The following MSRB2 variants were observed in gnomAD, a reference collection of about 807,000 sequenced individuals.
MSRB2 encodes methionine sulfoxide reductase B2, also known as methionine-R-sulfoxide reductase B2, mitochondrial.
In MSRB2, 17 loss-of-function variants were observed where a neutral mutation model predicts 19.0. The observed-to-expected ratio is 0.89, with a 90% CI of 0.61 to 1.34. MSRB2 has a LOEUF of 1.34. MSRB2 is among the 40% of genes most tolerant of loss of function. MSRB2 has a pLI of 0.00. For synonymous variants in MSRB2, 107 were observed against 99.7 expected, an observed-to-expected ratio of 1.07 and a Z score of -0.44; for missense variants, 208 against 237.6, an observed-to-expected ratio of 0.88 and a Z score of 0.82.
At chr10:23,110,624 G>GTT (rs11292798) in intron 3 of MSRB2, among the ~76,000 whole-genome samples, 2 of 147,896 alleles carry the variant, frequency 1.4e-5, no homozygotes, top group African/African-American at 2.5e-5. Context: ...AGCTATTAGA[G>GTT]TTTTTTTTTT....
At chr10:23,100,022 C>A (rs1839910637) in intron 1 of MSRB2, among the ~76,000 whole-genome samples, 1 of 152,076 alleles carries the variant, frequency 6.6e-6, no homozygotes, top group Non-Finnish European at 1.5e-5. Context: ...TTTTCTAAGC[C>A]CATTCCACTT....
chr10:23,099,121 T>A (rs938662921), intron 1 of MSRB2, among the ~76,000 whole-genome samples: 4 of 152,224 alleles, frequency 2.6e-5, no homozygotes, highest in African/African-American at 7.2e-5. Flanking sequence ...TGCAGTCACA[T>A]TTTAAAGTAC....
At chr10:23,110,378 G>C in intron 3 of MSRB2, 60 bp downstream of exon 3, 1 of 1,346,004 alleles carries the variant, frequency 7.4e-7, no homozygotes, top group Non-Finnish European at 1.1e-6. Flanking sequence ...TTACTGCTTT[G>C]TTTCATTTGA....
rs569789833 is a variant in MSRB2 at position 23,099,481 on chromosome 10, T to C, written c.118+3755T>C. On this transcript the variant is annotated intron_variant, in intron 1 of 4. Coordinates refer to ENST00000376510, the MANE Select transcript of MSRB2 (RefSeq NM_012228.4). ...ATTAAAAGAACCATTAAAAATGTCC[T>C]TTCCATATTGTACTTAGATGAAGGC... 2.6e-5 allele frequency among the ~76,000 whole-genome samples: 4 copies of C among 152,386 alleles called. No homozygotes were observed. In the South Asian group the frequency reaches 8.3e-4, roughly 32 times the overall value.
chr10:23,109,378 C>T lies in MSRB2; in HGVS notation c.220-864C>T, dbSNP rs371795201. ...CAGCCTGGCTAACACGGTGAAACCC[C>T]GTAAAAGTACAAAAATTAGCCAGGC... On this transcript the variant is annotated intron_variant, in intron 2 of 4. Transcript: ENST00000376510. Among the ~76,000 whole-genome samples, 65 of 151,982 alleles carry T rather than the reference C, an allele frequency of 4.3e-4. 1 individual carries two copies. The South Asian group carries it at 0.013, about 30-fold the overall frequency.
At chr10:23,104,041 A>C in intron 1 of MSRB2, 103 bp from the exon 2 acceptor site, 1 of 850,302 alleles carries the variant, frequency 1.2e-6, no homozygotes, top group Non-Finnish European at 1.8e-6. Context: ...AAGGGACTGG[A>C]TTATTCTGCT....
At chr10:23,097,402 A>T (rs1288060952) in intron 1 of MSRB2, among the ~76,000 whole-genome samples, 3 of 152,202 alleles carry the variant, frequency 2.0e-5, no homozygotes, top group African/African-American at 2.4e-5. Flanking sequence ...CAAGGTGGGA[A>T]CAGATTTGGT....
chr10:23,117,466 T>C (rs898569566), intron 3 of MSRB2, among the ~76,000 whole-genome samples: 1 of 152,230 alleles, frequency 6.6e-6, no homozygotes, highest in Non-Finnish European at 1.5e-5. Context: ...TGTAAAACAG[T>C]GCAACTCTTC....
At chr10:23,115,628 T>A (rs1204062865) in intron 3 of MSRB2, among the ~76,000 whole-genome samples, 1 of 152,208 alleles carries the variant, frequency 6.6e-6, no homozygotes, top group East Asian at 1.9e-4. Flanking sequence ...TGATTCAGAA[T>A]GGTTTTAGTT....
intron 2 of MSRB2, 79 bp downstream of exon 2, chr10:23,104,323 A>C: frequency 1.7e-6 from 2 of 1,161,870 alleles, no homozygotes; most frequent in South Asian, 1.5e-5. Flanking sequence ...CAGCTATGAA[A>C]CCCAGCTGCC....
intron 1 of MSRB2, among the ~76,000 whole-genome samples, chr10:23,100,543 G>A (rs575203175): frequency 3.2e-4 from 49 of 152,212 alleles, no homozygotes; most frequent in African/African-American, 1.2e-3. Context: ...GGGAGGCCTC[G>A]GGAAACTTAC....
rs185006403 is a variant in MSRB2 at position 23,100,634 on chromosome 10, G to A, written c.119-3510G>A. ...GTCAGAGCAGGAGGAAGAGAGAGAGGGGGAGGTGAACTTTTAAACAACCAG... is the reference window on the plus strand; with the variant it reads ...GTCAGAGCAGGAGGAAGAGAGAGAGAGGGAGGTGAACTTTTAAACAACCAG... On this transcript the variant is annotated intron_variant, in intron 1 of 4. Coordinates refer to ENST00000376510, the MANE Select transcript of MSRB2 (RefSeq NM_012228.4). Among the ~76,000 whole-genome samples the A allele has an allele frequency of 8.1e-4, 124 of 152,164 alleles. 1 individual carries two copies. The highest frequency in any genetic ancestry group is 1.5e-3 in the Non-Finnish European group (104 of 67,982).
intron 3 of MSRB2, among the ~76,000 whole-genome samples, chr10:23,112,047 G>A (rs1840063317): frequency 6.6e-6 from 1 of 152,180 alleles, no homozygotes; most frequent in Non-Finnish European, 1.5e-5. Context: ...ACCAACTCCA[G>A]GTCCTGGAGG....
rs1389056085 is a variant in MSRB2, at chr10:23,118,333, TTTTG to T, written c.297-967_297-964del. ...GCTACTTTTTCTTCTTAGATTAGTT[TTTTG>T]TTTTTTTTTTTTTTTTTTTGGCTGG... On this transcript the variant is annotated intron_variant, in intron 3 of 4. Transcript: ENST00000376510. 3.5e-3 allele frequency among the ~76,000 whole-genome samples: 462 copies of T among 130,166 alleles called. 6 individuals are homozygous for T. Among genetic ancestry groups the T allele is most frequent in the African/African-American group, 0.013 (430 of 32,080 alleles). The allele number at this position is 130,166 out of a possible 152,430, so 85.4% of individuals were successfully genotyped here. A position where few individuals can be genotyped will look rare whatever the true frequency, so the allele number is the denominator to read the frequency against.
chr10:23,099,062 A>C (rs539304451), intron 1 of MSRB2, among the ~76,000 whole-genome samples: 55 of 152,196 alleles, frequency 3.6e-4, no homozygotes, highest in African/African-American at 1.3e-3. Context: ...GCCCCCTCTT[A>C]ATGGCCTCAT....
chr10:23,109,388 C>A (rs771891599), intron 2 of MSRB2, among the ~76,000 whole-genome samples: 2 of 151,914 alleles, frequency 1.3e-5, no homozygotes, highest in South Asian at 4.2e-4. Flanking sequence ...CGTAAAAGTA[C>A]AAAAATTAGC....
chr10:23,095,598 G>A lies in MSRB2; in HGVS notation c.-11G>A. 1.4e-6 allele frequency: 2 copies of A among 1,478,794 alleles called. No individual in the cohort carries two copies. The highest frequency in any genetic ancestry group is 1.5e-5 in the African/African-American group (1 of 68,380). 91.6% of individuals were successfully genotyped at this position (1,478,794 alleles called of 1,614,324 possible). A position where few individuals can be genotyped will look rare whatever the true frequency, so the allele number is the denominator to read the frequency against. On this transcript the variant is annotated 5_prime_UTR_variant, in exon 1 of 5. Coordinates refer to ENST00000376510, the MANE Select transcript of MSRB2 (RefSeq NM_012228.4). Reference sequence around the variant, plus strand: ...GAGGGCAGAGGGCGGAGCGGCGCCGGAGCGGGCGTCATGGCGCGGCTCCTC... The same window carrying A: ...GAGGGCAGAGGGCGGAGCGGCGCCGAAGCGGGCGTCATGGCGCGGCTCCTC...
In MSRB2 at chr10:23,118,756, G is replaced by A. The variant is rs149513756; in HGVS notation, c.297-548G>A. On this transcript the variant is annotated intron_variant, in intron 3 of 4. Coordinates refer to ENST00000376510, the MANE Select transcript of MSRB2 (RefSeq NM_012228.4). Reference sequence around the variant, plus strand: ...GGTAGATATTATTCCCATTTGCTAGGTGAGCAAACTGAGGCTTCAAGAGCT... The same window carrying A: ...GGTAGATATTATTCCCATTTGCTAGATGAGCAAACTGAGGCTTCAAGAGCT... Among the ~76,000 whole-genome samples, 171 of 152,256 alleles carry A rather than the reference G, an allele frequency of 1.1e-3. 4 individuals are homozygous for A. The highest frequency in any genetic ancestry group is 0.011 in the Admixed American group (169 of 15,298).
intron 3 of MSRB2, among the ~76,000 whole-genome samples, chr10:23,113,404 T>G (rs985643823): frequency 1.3e-5 from 2 of 152,194 alleles, no homozygotes; most frequent in Admixed American, 1.3e-4. Flanking sequence ...TTTTTTAATC[T>G]GCTTCAAATT....
Sources: allele counts gnomAD v4.1 joint callset (sites outside exome capture counted in the v4.1 genomes callset), GRCh38; gene constraint gnomAD v4.1.1; transcripts MANE v1.5; gene names NCBI Gene and HGNC (gene_info 2026-07-23, HGNC 2026-07-21).